The following NAV1 variants were observed in gnomAD, a reference collection of about 807,000 sequenced individuals.
NAV1 encodes pore membrane and/or filament interacting like protein 3.
In NAV1, 18 loss-of-function variants were observed where a neutral mutation model predicts 175.2. The ratio of observed to expected loss-of-function variants is 0.10; its 90% CI spans 0.07 to 0.15. The LOEUF (loss-of-function observed/expected upper bound fraction) is 0.15. Ranked by LOEUF, NAV1 falls within the 10% of genes least tolerant of loss-of-function variation. NAV1 has a pLI of 1.00. For missense variants in NAV1, 1,731 were observed against 2,436.6 expected, an observed-to-expected ratio of 0.71 and a Z score of 6.10; for synonymous variants, 897 against 978.7, an observed-to-expected ratio of 0.92 and a Z score of 1.56.
intron 29 of NAV1, among the ~76,000 whole-genome samples, chr1:201,819,531 A>AC (rs1679267616): frequency 6.7e-6 from 1 of 148,542 alleles, no homozygotes; most frequent in African/African-American, 2.5e-5. Context: ...ATCAAAGCTC[A>AC]CTGCTGCCTC....
At chr1:201,684,235 G>T (rs1298970168) in intron 1 of NAV1, among the ~76,000 whole-genome samples, 1 of 152,090 alleles carries the variant, frequency 6.6e-6, no homozygotes, top group Non-Finnish European at 1.5e-5. Context: ...TTAATGGGAG[G>T]AGGTTTAGAA....
chr1:201,653,552 C>T (rs2102341089), intron 1 of NAV1, among the ~76,000 whole-genome samples: 1 of 152,282 alleles, frequency 6.6e-6, no homozygotes, highest in Middle Eastern at 3.4e-3. Flanking sequence ...CTCTGGGATA[C>T]TTTGAGTAGC....
intron 1 of NAV1, among the ~76,000 whole-genome samples, chr1:201,676,746 C>T (rs1670268945): frequency 6.6e-6 from 1 of 152,152 alleles, no homozygotes; most frequent in South Asian, 2.1e-4. Context: ...CATTTTTATA[C>T]CAAAATAATT....
intron 3 of NAV1, among the ~76,000 whole-genome samples, chr1:201,766,084 C>T (rs1675193931): frequency 6.6e-6 from 1 of 152,166 alleles, no homozygotes; most frequent in Admixed American, 6.5e-5. Flanking sequence ...TTCCTGATTG[C>T]ACATATCCTC....
At chr1:201,693,595 T>C (rs1558072603) in intron 1 of NAV1, among the ~76,000 whole-genome samples, 1 of 151,970 alleles carries the variant, frequency 6.6e-6, no homozygotes, top group Non-Finnish European at 1.5e-5. Context: ...GTTCCAGAGC[T>C]TGAAGGGGAG....
chr1:201,659,906 C>A (rs1287558412), intron 1 of NAV1, among the ~76,000 whole-genome samples: 2 of 152,178 alleles, frequency 1.3e-5, no homozygotes, highest in Non-Finnish European at 2.9e-5. Flanking sequence ...AGTTGCCATG[C>A]CCTGGGCATT....
chr1:201,639,802 C>G (rs11590237), intron 2 of NAV1, among the ~76,000 whole-genome samples: 11,433 of 152,260 alleles, frequency 0.075, 604 homozygotes, highest in Non-Finnish European at 0.11. Flanking sequence ...TGGGGGGCCC[C>G]GGCCTCCAGC....
intron 2 of NAV1, among the ~76,000 whole-genome samples, chr1:201,592,479 G>T (rs569791650): frequency 6.6e-6 from 1 of 152,294 alleles, no homozygotes; most frequent in Non-Finnish European, 1.5e-5. Flanking sequence ...AGCCAAGGTG[G>T]CAGTGCTGCG....
At chr1:201,748,143 G>A (rs1673888663) in intron 3 of NAV1, among the ~76,000 whole-genome samples, 1 of 152,180 alleles carries the variant, frequency 6.6e-6, no homozygotes, top group Non-Finnish European at 1.5e-5. Context: ...TACCTTTGCA[G>A]TATATGAGCA....
chr1:201,682,136 A>AG (rs71138345), intron 1 of NAV1, among the ~76,000 whole-genome samples: 1 of 147,406 alleles, frequency 6.8e-6, no homozygotes, highest in Non-Finnish European at 1.5e-5. Flanking sequence ...AAAAAAAAAA[A>AG]TCAGCCAGGT....
At chr1:201,697,380 A>G (rs1161507061) in intron 1 of NAV1, among the ~76,000 whole-genome samples, 1 of 152,194 alleles carries the variant, frequency 6.6e-6, no homozygotes, top group Non-Finnish European at 1.5e-5. Flanking sequence ...TGCAGGCTGA[A>G]GTGGGGCAGG....
intron 1 of NAV1, among the ~76,000 whole-genome samples, chr1:201,561,903 A>C (rs558748957): frequency 1.3e-5 from 2 of 152,386 alleles, no homozygotes; most frequent in South Asian, 2.1e-4. Flanking sequence ...GCATGAGACT[A>C]TCAATGGTTG....
intron 2 of NAV1, among the ~76,000 whole-genome samples, chr1:201,598,996 A>G (rs1667440882): frequency 1.3e-5 from 2 of 152,196 alleles, no homozygotes; most frequent in African/African-American, 2.4e-5. Flanking sequence ...GTCATTCAGA[A>G]AACATTTCTG....
chr1:201,767,931 A>G (rs1188974026), intron 3 of NAV1, among the ~76,000 whole-genome samples: 1 of 152,214 alleles, frequency 6.6e-6, no homozygotes. Context: ...AGTCCAAAAC[A>G]TATTCCCTTG....
At chr1:201,609,216 T>C (rs10920219) in intron 2 of NAV1, among the ~76,000 whole-genome samples, 32,593 of 152,146 alleles carry the variant, frequency 0.21, 3,906 homozygotes, top group East Asian at 0.53. Flanking sequence ...TTCTGAGCTG[T>C]TGGGGAGAAG....
chr1:201,782,833 C>T lies in NAV1; in HGVS notation c.2321C>T (p.Ala774Val). The T allele has an allele frequency of 6.3e-7, 1 of 1,596,514 alleles. No individual in the cohort carries two copies. The highest frequency in any genetic ancestry group is 8.6e-7 in the Non-Finnish European group (1 of 1,169,368). ...AAGAACCAAGCAAGCCACCCCACAG[C>T]CACCAAGCTGGCAGAGCTGCCACCA... Residue 774 changes from alanine to valine, a missense_variant, in exon 6 of 30, where the codon GCC becomes GTC. This residue lies in a region of NAV1 where 634 missense variants were observed against 766.8 expected (regional missense o/e 0.83). Transcript: ENST00000367296. This position sits in a 1 kb window ranked among gnomAD's most constrained non-coding sequence, Gnocchi z 5.4.
At chr1:201,650,574 G>A (rs1025781197) in intron 1 of NAV1, among the ~76,000 whole-genome samples, 1 of 152,242 alleles carries the variant, frequency 6.6e-6, no homozygotes, top group Non-Finnish European at 1.5e-5. Flanking sequence ...GAAAGGGCGG[G>A]GCCGAGTGAC....
intron 1 of NAV1, among the ~76,000 whole-genome samples, chr1:201,693,974 C>T (rs1671073016): frequency 6.6e-6 from 1 of 152,216 alleles, no homozygotes; most frequent in South Asian, 2.1e-4. Flanking sequence ...CAGCCATCCC[C>T]CGGCCTCCAG....
chr1:201,546,462 C>A lies in NAV1; in HGVS notation c.-144+7120C>A, dbSNP rs1665676161. Among the ~76,000 whole-genome samples the A allele has an allele frequency of 3.3e-5, 5 of 152,202 alleles. No homozygotes were observed. The South Asian group carries it at 1.0e-3, about 31-fold the overall frequency. On this transcript the variant is annotated intron_variant, in intron 1 of 33. Coordinates refer to the NAV1 transcript ENST00000685211. ...TTCCTATGGTGCAAGTTCCCCCACA[C>A]ACAAGGTTTTATTTTGAAAACCGTC... is the stretch of plus-strand genomic sequence containing the variant.
Sources: gnomAD v4.1 joint callset for allele counts (sites outside exome capture counted in the v4.1 genomes callset) on GRCh38, gnomAD v4.1.1 for gene constraint, gnomAD v4.1.1 regional missense constraint, Gnocchi (gnomAD v3.1) non-coding constraint, MANE v1.5 for transcripts, NCBI Gene and HGNC (gene_info 2026-07-23, HGNC 2026-07-21) for gene names.